KLF12: variants seen among roughly 807,000 people sequenced by gnomAD.
The protein encoded by KLF12 is Krueppel-like factor 12.
A neutral mutation model predicts 37.8 loss-of-function variants in KLF12; 9 were observed. The observed-to-expected ratio is 0.24, with a 90% CI of 0.14 to 0.42. KLF12 has a LOEUF of 0.42. Among genes scored for constraint, KLF12 ranks in the 10% least tolerant of loss-of-function variants. KLF12 has a pLI of 1.00. For synonymous variants in KLF12, 208 were observed against 202.1 expected (o/e 1.03, Z -0.25); for missense variants, 411 against 516.0 (o/e 0.80, Z 1.97).
At chr13:73,835,649 CTT>C (rs1884390802) in intron 4 of KLF12, among the ~76,000 whole-genome samples, 1 of 152,066 alleles carries the variant, frequency 6.6e-6, no homozygotes, top group Non-Finnish European at 1.5e-5. Flanking sequence ...CTCTCTGAAA[CTT>C]TTTGGACAGG....
chr13:73,919,666 T>C (rs988821400), intron 3 of KLF12, among the ~76,000 whole-genome samples: 7 of 152,198 alleles, frequency 4.6e-5, no homozygotes, highest in African/African-American at 1.7e-4. Context: ...ATCATTAACA[T>C]TGCACGCCAT....
At chr13:74,065,392 C>G (rs540595366) in intron 1 of KLF12, among the ~76,000 whole-genome samples, 1 of 152,194 alleles carries the variant, frequency 6.6e-6, no homozygotes, top group East Asian at 1.9e-4. Context: ...ACTTGTGTAA[C>G]TATGTCAAAG....
chr13:73,960,663 A>G (rs189190825), intron 2 of KLF12, among the ~76,000 whole-genome samples: 135 of 152,318 alleles, frequency 8.9e-4, no homozygotes, highest in African/African-American at 3.2e-3. Context: ...ACAAAACTTA[A>G]AAATATGCAG....
At chr13:73,746,226 G>C (rs559907870) in intron 6 of KLF12, among the ~76,000 whole-genome samples, 2 of 152,092 alleles carry the variant, frequency 1.3e-5, no homozygotes, top group Non-Finnish European at 2.9e-5. Context: ...AATAGATATC[G>C]ATGTATTTAA....
chr13:74,184,347 G>A, the KLF12 span, among the ~76,000 whole-genome samples: 1 of 152,068 alleles, frequency 6.6e-6, no homozygotes, highest in African/African-American at 2.4e-5. Context: ...CAAACTTGTA[G>A]GGATGACAAA....
At chr13:74,019,353 G>A (rs1006401602) in intron 1 of KLF12, among the ~76,000 whole-genome samples, 1 of 152,114 alleles carries the variant, frequency 6.6e-6, no homozygotes, top group African/African-American at 2.4e-5. Flanking sequence ...ACTTCAAACT[G>A]AAAAGAGTTT....
At chr13:74,074,665 G>A (rs1316252347) in intron 1 of KLF12, among the ~76,000 whole-genome samples, 1 of 152,142 alleles carries the variant, frequency 6.6e-6, no homozygotes, top group African/African-American at 2.4e-5. Flanking sequence ...GGGGGTACAT[G>A]TGAAAGTTTG....
At chr13:73,813,389 A>AATGGGC in intron 4 of KLF12, 102 bp from the exon 5 acceptor site, 3 of 1,258,942 alleles carry the variant, frequency 2.4e-6, no homozygotes, top group Non-Finnish European at 2.3e-6. Context: ...ATATCATGCA[A>AATGGGC]ATGGAATTCT....
chr13:73,713,010 G>A (rs1875523531), intron 7 of KLF12, among the ~76,000 whole-genome samples: 1 of 152,178 alleles, frequency 6.6e-6, no homozygotes, highest in African/African-American at 2.4e-5. Flanking sequence ...AGGTACGCCT[G>A]TATTAAGAGA....
At chr13:74,221,136 C>G in the KLF12 span, among the ~76,000 whole-genome samples, 3 of 151,808 alleles carry the variant, frequency 2.0e-5, no homozygotes, top group African/African-American at 7.3e-5. Context: ...TGCGGAGTAG[C>G]TGGGACTACA....
chr13:74,094,289 A>G (rs1875849733), intron 1 of KLF12, among the ~76,000 whole-genome samples: 1 of 152,220 alleles, frequency 6.6e-6, no homozygotes, highest in Non-Finnish European at 1.5e-5. Flanking sequence ...TAACTATAAC[A>G]TTTACATTCT....
intron 1 of KLF12, among the ~76,000 whole-genome samples, chr13:74,075,508 T>C (rs767059857): frequency 2.0e-5 from 3 of 152,208 alleles, no homozygotes; most frequent in Non-Finnish European, 2.9e-5. Context: ...GGGGAGTAGG[T>C]AAAGGTACTG....
At chr13:74,230,437 A>G in the KLF12 span, among the ~76,000 whole-genome samples, 1 of 152,176 alleles carries the variant, frequency 6.6e-6, no homozygotes, top group Non-Finnish European at 1.5e-5. Flanking sequence ...AAGATTAAGC[A>G]TGGCAGACAC....
intron 2 of KLF12, among the ~76,000 whole-genome samples, chr13:73,990,479 T>C (rs1199169614): frequency 6.6e-6 from 1 of 152,212 alleles, no homozygotes; most frequent in African/African-American, 2.4e-5. Flanking sequence ...CATGTCTCCA[T>C]ATTTCTGAGG....
chr13:73,911,174 G>A (rs9573326), intron 3 of KLF12, among the ~76,000 whole-genome samples: 27,803 of 152,030 alleles, frequency 0.18, 3,706 homozygotes, highest in East Asian at 0.61. Context: ...TCTATACTGT[G>A]TGCACATCAG....
intron 6 of KLF12, among the ~76,000 whole-genome samples, chr13:73,736,714 T>C (rs1486065030): frequency 1.3e-5 from 2 of 152,192 alleles, no homozygotes; most frequent in African/African-American, 2.4e-5. Context: ...GTTGCTTCCA[T>C]GCAGGGTTAA....
At chr13:74,265,517 G>T in the KLF12 span, among the ~76,000 whole-genome samples, 3 of 152,296 alleles carry the variant, frequency 2.0e-5, no homozygotes, top group South Asian at 6.2e-4. Context: ...ATATTCTGAA[G>T]AAAAGAATAT....
intron 2 of KLF12, among the ~76,000 whole-genome samples, chr13:73,989,961 C>T (rs1891924048): frequency 9.0e-6 from 1 of 110,950 alleles, no homozygotes; most frequent in Non-Finnish European, 2.1e-5. Flanking sequence ...AGTGTAAGTT[C>T]AGGAAGTACA....
chr13:73,910,853 TG>T (rs1307080337), intron 3 of KLF12, among the ~76,000 whole-genome samples: 7 of 152,176 alleles, frequency 4.6e-5, no homozygotes, highest in African/African-American at 1.7e-4. Context: ...GAGTTATTAA[TG>T]GGTTATCATG....
Sources: gnomAD v4.1 joint callset for allele counts (sites outside exome capture counted in the v4.1 genomes callset) on GRCh38, gnomAD v4.1.1 for gene constraint, MANE v1.5 for transcripts, NCBI Gene and HGNC (gene_info 2026-07-23, HGNC 2026-07-21) for gene names.